The following MYO1D variants were observed in gnomAD, a reference collection of about 807,000 sequenced individuals.
MYO1D encodes myosin ID.
A neutral mutation model predicts 122.0 loss-of-function variants in MYO1D; 83 were observed. That is an observed-to-expected ratio of 0.68 (90% confidence interval 0.57 to 0.82). MYO1D has a LOEUF of 0.82. MYO1D is among the 40% of genes least tolerant of loss of function. The pLI is 0.00. For synonymous variants in MYO1D, 464 were observed against 446.9 expected (o/e 1.04, Z -0.48); for missense variants, 1,157 against 1,269.5 (o/e 0.91, Z 1.35).
At chr17:32,596,248 C>T (rs150964493) in intron 21 of MYO1D, among the ~76,000 whole-genome samples, 128 of 152,288 alleles carry the variant, frequency 8.4e-4, no homozygotes, top group African/African-American at 2.9e-3. Flanking sequence ...AATGAGTGGC[C>T]AGGCATTCAA....
At chr17:32,709,914 T>C (rs1170056292) in intron 16 of MYO1D, among the ~76,000 whole-genome samples, 1 of 152,094 alleles carries the variant, frequency 6.6e-6, no homozygotes, top group Non-Finnish European at 1.5e-5. Context: ...GAATTAACCA[T>C]GAATTCATAG....
intron 1 of MYO1D, among the ~76,000 whole-genome samples, chr17:32,855,949 GTTC>G (rs2091024374): frequency 6.6e-6 from 1 of 152,074 alleles, no homozygotes; most frequent in Non-Finnish European, 1.5e-5. Context: ...TTATTCCCTT[GTTC>G]TTCTTTTACT....
chr17:32,869,348 A>G (rs555374202), intron 1 of MYO1D, among the ~76,000 whole-genome samples: 2 of 152,380 alleles, frequency 1.3e-5, no homozygotes, highest in African/African-American at 4.8e-5. Context: ...CATACAATGC[A>G]TATTTTAAAA....
At chr17:32,644,158 T>G (rs1488961260) in intron 19 of MYO1D, among the ~76,000 whole-genome samples, 4 of 152,204 alleles carry the variant, frequency 2.6e-5, no homozygotes, top group Non-Finnish European at 5.9e-5. Context: ...TATTTCTGCC[T>G]TCATTTCGTT....
At chr17:32,548,988 C>T (rs193116284) in intron 21 of MYO1D, among the ~76,000 whole-genome samples, 23 of 152,312 alleles carry the variant, frequency 1.5e-4, no homozygotes, top group Admixed American at 1.5e-3. Context: ...GTTGGGATTA[C>T]AGGCGTGAGC....
At chr17:32,552,842 T>C (rs543714479) in intron 21 of MYO1D, among the ~76,000 whole-genome samples, 1 of 152,252 alleles carries the variant, frequency 6.6e-6, no homozygotes, top group African/African-American at 2.4e-5. Context: ...TTACTCCATG[T>C]AAGTAACTGG....
At chr17:32,563,926 A>G (rs1409013127) in intron 21 of MYO1D, among the ~76,000 whole-genome samples, 1 of 152,218 alleles carries the variant, frequency 6.6e-6, no homozygotes, top group Non-Finnish European at 1.5e-5. Context: ...GTTTACTACA[A>G]TTCTTGCTGG....
chr17:32,699,823 A>G (rs77819475), intron 16 of MYO1D, among the ~76,000 whole-genome samples: 21,720 of 152,196 alleles, frequency 0.14, 1,991 homozygotes, highest in Middle Eastern at 0.29. Context: ...GAATATTTGC[A>G]ATTTTCCATA....
Position 32,504,011 on chromosome 17 carries a change from G to C in MYO1D, c.2865-9096C>G, listed in dbSNP as rs183373225. ...CCAGGCCAAGTCCAGGAGTGGTGGC[G>C]TGGTGCTTCCTGGCATACTGAGTCC... On this transcript the variant is annotated intron_variant, in intron 21 of 21. Coordinates refer to ENST00000318217, the MANE Select transcript of MYO1D (RefSeq NM_015194.3). Among the ~76,000 whole-genome samples, 45 of 152,352 alleles carry C rather than the reference G, an allele frequency of 3.0e-4. No homozygotes were observed. In the South Asian group the frequency reaches 8.7e-3, roughly 29 times the overall value.
At chr17:32,507,080 A>T (rs1909526203) in intron 21 of MYO1D, among the ~76,000 whole-genome samples, 1 of 152,178 alleles carries the variant, frequency 6.6e-6, no homozygotes, top group Admixed American at 6.6e-5. Flanking sequence ...TACAAAGATA[A>T]AATAACAAGT....
rs1419508398 is a variant in MYO1D, at chr17:32,712,940, A to C, written c.1914-745T>G. On this transcript the variant is annotated intron_variant, in intron 15 of 21. Transcript: ENST00000318217. ...TCTACTTTGTCAGAAGCAAATCACT[A>C]GGTCTAGCCTACACTCACAGGAAGG... 2.0e-5 allele frequency among the ~76,000 whole-genome samples: 3 copies of C among 152,174 alleles called. No homozygotes were observed. The East Asian group carries it at 5.8e-4, about 29-fold the overall frequency.
intron 19 of MYO1D, among the ~76,000 whole-genome samples, chr17:32,648,873 G>C (rs2088339929): frequency 6.6e-6 from 1 of 151,842 alleles, no homozygotes; most frequent in African/African-American, 2.4e-5. Flanking sequence ...ACATTTCTCT[G>C]CTTTCTTTTG....
chr17:32,757,211 T>C (rs1015896792), intron 10 of MYO1D, among the ~76,000 whole-genome samples: 11 of 152,188 alleles, frequency 7.2e-5, no homozygotes, highest in Admixed American at 1.3e-4. Flanking sequence ...CTGTATCTTA[T>C]GGACTGAAAC....
At chr17:32,627,009 T>C (rs2087936571) in intron 20 of MYO1D, among the ~76,000 whole-genome samples, 1 of 152,192 alleles carries the variant, frequency 6.6e-6, no homozygotes, top group Non-Finnish European at 1.5e-5. Flanking sequence ...GACATTACTT[T>C]TTTTCTAAGA....
At chr17:32,588,099 A>G (rs2150904244) in intron 21 of MYO1D, among the ~76,000 whole-genome samples, 1 of 152,340 alleles carries the variant, frequency 6.6e-6, no homozygotes, top group East Asian at 1.9e-4. Context: ...CTAAATATCA[A>G]ATGGAAAATA....
chr17:32,764,239 A>G (rs1216446574), intron 8 of MYO1D, among the ~76,000 whole-genome samples: 2 of 152,212 alleles, frequency 1.3e-5, no homozygotes, highest in Non-Finnish European at 2.9e-5. Context: ...GAAGCAGAGA[A>G]TAGAATGGTG....
chr17:32,573,494 T>C (rs925918404), intron 21 of MYO1D, among the ~76,000 whole-genome samples: 1 of 152,098 alleles, frequency 6.6e-6, no homozygotes, highest in Non-Finnish European at 1.5e-5. Flanking sequence ...AAAGGGTGTG[T>C]GTGAAAGGCT....
At chr17:32,817,605 A>G (rs1260541544) in intron 1 of MYO1D, among the ~76,000 whole-genome samples, 1 of 152,102 alleles carries the variant, frequency 6.6e-6, no homozygotes, top group Non-Finnish European at 1.5e-5. Context: ...ACTCAAAATT[A>G]ACCAAAATAA....
intron 21 of MYO1D, among the ~76,000 whole-genome samples, chr17:32,585,116 G>T (rs920529756): frequency 2.0e-5 from 3 of 152,184 alleles, no homozygotes; most frequent in Admixed American, 6.5e-5. Flanking sequence ...TGGTTAGCAA[G>T]AAATATAATA....
Sources: allele counts gnomAD v4.1 joint callset (sites outside exome capture counted in the v4.1 genomes callset), GRCh38; gene constraint gnomAD v4.1.1; transcripts MANE v1.5; gene names NCBI Gene and HGNC (gene_info 2026-07-23, HGNC 2026-07-21).